The following ASPRV1 variants were observed in gnomAD, a reference collection of about 807,000 sequenced individuals.
ASPRV1 encodes the protein aspartic peptidase retroviral like 1.
Under a neutral mutation model 11.0 loss-of-function variants are expected in ASPRV1, and 7 were observed. The ratio of observed to expected loss-of-function variants is 0.64; its 90% CI spans 0.36 to 1.20. ASPRV1 has a LOEUF of 1.20. Among genes scored for constraint, ASPRV1 ranks in the 50% most tolerant of loss-of-function variants. ASPRV1 has a pLI of 0.02. For missense variants in ASPRV1, 299 were observed against 320.0 expected, an observed-to-expected ratio of 0.93 and a Z score of 0.50; for synonymous variants, 136 against 138.4, an observed-to-expected ratio of 0.98 and a Z score of 0.12.
At chr2:69,998,073 T>A in the ASPRV1 span, 14 of 151,770 alleles carry the variant, frequency 9.2e-5, no homozygotes, top group African/African-American at 3.4e-4. Context: ...GTGCTCTCCA[T>A]ACCCCTTTAT....
the ASPRV1 span, chr2:70,014,771 GTGAT>G: frequency 8.2e-6 from 1 of 121,378 alleles, no homozygotes; most frequent in African/African-American, 3.3e-5. Flanking sequence ...TTGTACTCCA[GTGAT>G]AATAGAGCAA....
the ASPRV1 span, among the ~76,000 whole-genome samples, chr2:70,026,251 TG>T: frequency 2.0e-5 from 3 of 152,052 alleles, no homozygotes; most frequent in African/African-American, 2.4e-5. Context: ...CACTCCAGCC[TG>T]GAAAACAAGA....
At chr2:70,062,585 T>TA in the ASPRV1 span, among the ~76,000 whole-genome samples, 1 of 152,184 alleles carries the variant, frequency 6.6e-6, no homozygotes, top group South Asian at 2.1e-4. Context: ...ATGTCATAAT[T>TA]AGAGTACTAT....
At chr2:70,065,839 A>AAAAAAAC in the ASPRV1 span, among the ~76,000 whole-genome samples, 1 of 146,942 alleles carries the variant, frequency 6.8e-6, no homozygotes, top group Non-Finnish European at 1.5e-5. Flanking sequence ...AAAAAAAAAA[A>AAAAAAAC]AAAAAGAAAG....
the ASPRV1 span, among the ~76,000 whole-genome samples, chr2:70,038,765 A>C: frequency 6.6e-6 from 1 of 152,148 alleles, no homozygotes; most frequent in East Asian, 1.9e-4. Flanking sequence ...TTTGCAGAGG[A>C]GAGAAAGATA....
chr2:70,068,946 CAAAAAAAAAA>C, the ASPRV1 span, among the ~76,000 whole-genome samples: 1 of 59,084 alleles, frequency 1.7e-5, no homozygotes. Flanking sequence ...ACTCTTGTCT[CAAAAAAAAAA>C]AAAAAAAAAA....
the ASPRV1 span, among the ~76,000 whole-genome samples, chr2:70,004,843 T>C: frequency 2.6e-5 from 4 of 152,156 alleles, no homozygotes; most frequent in Non-Finnish European, 4.4e-5. Flanking sequence ...TTGATGTCAC[T>C]GGTCCCCGTC....
chr2:69,983,925 A>G, the ASPRV1 span, among the ~76,000 whole-genome samples: 1 of 152,226 alleles, frequency 6.6e-6, no homozygotes, highest in African/African-American at 2.4e-5. Flanking sequence ...GGAGACTAGC[A>G]CTGCCTCTGC....
the ASPRV1 span, among the ~76,000 whole-genome samples, chr2:70,015,117 A>T: frequency 6.6e-6 from 1 of 152,242 alleles, no homozygotes; most frequent in Admixed American, 6.5e-5. Context: ...ACTATCAAAA[A>T]TTTAAAAACA....
At chr2:70,079,619 A>T in the ASPRV1 span, among the ~76,000 whole-genome samples, 1 of 152,224 alleles carries the variant, frequency 6.6e-6, no homozygotes, top group Non-Finnish European at 1.5e-5. Flanking sequence ...CCAGTGAGGC[A>T]GGAACAGCAT....
At chr2:70,048,504 G>A in the ASPRV1 span, among the ~76,000 whole-genome samples, 3 of 152,054 alleles carry the variant, frequency 2.0e-5, no homozygotes, top group Non-Finnish European at 4.4e-5. Context: ...TGGTAAAGGT[G>A]GAGACCCAAC....
chr2:70,002,060 T>A, the ASPRV1 span, among the ~76,000 whole-genome samples: 4 of 152,154 alleles, frequency 2.6e-5, no homozygotes, highest in Non-Finnish European at 1.5e-5. Flanking sequence ...CATAGCAATG[T>A]GTATCTCTGA....
At chr2:69,965,754 T>C (rs1445541426), upstream of ASPRV1, among the ~76,000 whole-genome samples, 1 of 152,132 alleles carries the variant, frequency 6.6e-6, no homozygotes, top group African/African-American at 2.4e-5. Context: ...CAGTCAGTCA[T>C]GGCCAAGGGC....
At chr2:69,976,479 T>G in the ASPRV1 span, 1 of 152,230 alleles carries the variant, frequency 6.6e-6, no homozygotes, top group Non-Finnish European at 1.5e-5. Context: ...GGTTCTTGGA[T>G]AGCAGAGAAC....
At chr2:70,064,298 T>C in the ASPRV1 span, among the ~76,000 whole-genome samples, 4 of 152,070 alleles carry the variant, frequency 2.6e-5, no homozygotes, top group African/African-American at 9.7e-5. Flanking sequence ...CCCAATACTC[T>C]ATCCCCCTCC....
the ASPRV1 span, among the ~76,000 whole-genome samples, chr2:70,072,280 G>C: frequency 6.6e-6 from 1 of 151,946 alleles, no homozygotes; most frequent in African/African-American, 2.4e-5. Flanking sequence ...AATTAGCCTG[G>C]TGTGGTGGCA....
the ASPRV1 span, among the ~76,000 whole-genome samples, chr2:69,971,864 A>C: frequency 6.6e-6 from 1 of 151,850 alleles, no homozygotes; most frequent in Non-Finnish European, 1.5e-5. Flanking sequence ...CCTAAATTCA[A>C]CTCCTGACTC....
chr2:69,941,135 A>C, the ASPRV1 span: 3 of 152,192 alleles, frequency 2.0e-5, no homozygotes, highest in Non-Finnish European at 2.9e-5. Context: ...TTTATGTGAA[A>C]GTTGATTTTA....
At chr2:69,971,820 C>A in the ASPRV1 span, among the ~76,000 whole-genome samples, 10 of 152,094 alleles carry the variant, frequency 6.6e-5, no homozygotes, top group Non-Finnish European at 8.8e-5. Flanking sequence ...GGTGCCTCTG[C>A]GCAGTCTTTG....
Sources: allele counts gnomAD v4.1 joint callset (sites outside exome capture counted in the v4.1 genomes callset), GRCh38; gene constraint gnomAD v4.1.1; transcripts MANE v1.5; gene names NCBI Gene and HGNC (gene_info 2026-07-23, HGNC 2026-07-21).